The following STRIP1 variants were observed in gnomAD, a reference collection of about 807,000 sequenced individuals.
STRIP1 encodes striatin interacting protein 1, also known as striatin-interacting protein 1.
In STRIP1, 63 loss-of-function variants were observed where a neutral mutation model predicts 106.2. That is an observed-to-expected ratio of 0.59 (90% CI 0.48 to 0.73). The LOEUF (loss-of-function observed/expected upper bound fraction) is 0.73. Among genes scored for constraint, STRIP1 ranks in the 30% least tolerant of loss-of-function variants. The pLI is 0.00. For missense variants in STRIP1, 857 were observed against 1,074.8 expected, an observed-to-expected ratio of 0.80 and a Z score of 2.83; for synonymous variants, 390 against 413.0, an observed-to-expected ratio of 0.94 and a Z score of 0.67.
rs1375448699 is a variant in STRIP1 at position 110,034,731 on chromosome 1, C to CCACCCGGGG, written c.99_107dup (p.Gly34_Pro36dup). ...TCCGCCGCCGGCAGCCGCACAGCCA[C>CCACCCGGGG]CACCCGGGGCACCGCGGGCCGCCGC... On this transcript the variant is annotated inframe_insertion, in exon 1 of 21. Coordinates refer to ENST00000369795, the MANE Select transcript of STRIP1 (RefSeq NM_033088.4). 8 of 1,487,918 alleles carry CCACCCGGGG rather than the reference C, an allele frequency of 5.4e-6. No individual in the cohort carries two copies. The Admixed American group carries it at 7.8e-5, about 14-fold the overall frequency. 92.2% of individuals were successfully genotyped at this position (1,487,918 alleles called of 1,614,324 possible). A position where few individuals can be genotyped will look rare whatever the true frequency, so the allele number is the denominator to read the frequency against.
In STRIP1 at chr1:110,043,709, A is replaced by T; in HGVS notation, c.1139A>T (p.Glu380Val). 1 of 1,614,118 alleles carries T rather than the reference A, an allele frequency of 6.2e-7. No homozygotes were observed. Among genetic ancestry groups the T allele is most frequent in the South Asian group, 1.1e-5 (1 of 91,076 alleles). The change falls in exon 10 of 21, where the codon GAA becomes GTA. Residue 380 changes from glutamate to valine, a missense_variant. By Grantham distance (121) the Glu-to-Val change is moderately radical. This residue lies in a region of STRIP1 where 750 missense variants were observed against 989.8 expected (regional missense o/e 0.76). Transcript: ENST00000369795. ...RDPYKADDSR[E>V]EEEENDDDNS... ...CCCTACAAGGCTGATGACTCTCGAG[A>T]AGAGGAAGAGGAGAATGATGATGAC...
intron 20 of STRIP1, among the ~76,000 whole-genome samples, chr1:110,052,894 C>G (rs1409159753): frequency 6.6e-6 from 1 of 152,202 alleles, no homozygotes; most frequent in Non-Finnish European, 1.5e-5. Context: ...ACATGCAGAT[C>G]CTGTGCTGTT....
chr1:110,050,393 T>A lies in STRIP1; in HGVS notation c.1940T>A (p.Leu647Gln). 1 of 1,614,204 alleles carries A rather than the reference T, an allele frequency of 6.2e-7. No individual in the cohort carries two copies. The highest frequency in any genetic ancestry group is 8.5e-7 in the Non-Finnish European group (1 of 1,180,026). Residue 647 changes from leucine (L) to glutamine (Q), a missense_variant, in exon 18 of 21, where the codon CTG becomes CAG. By Grantham distance (113) the Leu-to-Gln change is moderately radical (BLOSUM62 -2). Coordinates refer to ENST00000369795, the MANE Select transcript of STRIP1 (RefSeq NM_033088.4). ...PHCVVHELPE[L>Q]TAESLEAGDS... is the part of the protein sequence containing the mutation. ...TGCGTGGTGCATGAGCTGCCAGAGC[T>A]GACGGCGGAGAGTTTGGTGAGTGGC...
intron 13 of STRIP1, among the ~76,000 whole-genome samples, chr1:110,047,047 CAA>C (rs957253846): frequency 6.7e-6 from 1 of 149,346 alleles, no homozygotes; most frequent in Non-Finnish European, 1.5e-5. Flanking sequence ...GAGACCATCT[CAA>C]AAAAAAAAGT....
At chr1:110,046,625 G>GAGTTTGGCCAGAGAATGT in intron 12 of STRIP1, 55 bp from the exon 13 acceptor site, 1 of 1,506,690 alleles carries the variant, frequency 6.6e-7, no homozygotes, top group Non-Finnish European at 9.2e-7. Flanking sequence ...AGAGTGCAGG[G>GAGTTTGGCCAGAGAATGT]AGTTTGGCCA....
At chr1:110,034,959 G>A in intron 1 of STRIP1, 142 bp downstream of exon 1, 1 of 842,062 alleles carries the variant, frequency 1.2e-6, no homozygotes, top group Non-Finnish European at 1.7e-6. Flanking sequence ...ACAGCGAAAG[G>A]AGCAGGAAGC....
upstream of STRIP1, among the ~76,000 whole-genome samples, chr1:110,033,319 C>A (rs1337845413): frequency 6.6e-6 from 1 of 151,786 alleles, no homozygotes; most frequent in Non-Finnish European, 1.5e-5. Context: ...TAGTCAGGCT[C>A]CTGTGAGTCC....
chr1:110,039,730 A>G, intron 5 of STRIP1: 1 of 1,077,148 alleles, frequency 9.3e-7, no homozygotes, highest in South Asian at 1.4e-5. Flanking sequence ...CCCTGATGCC[A>G]GAGTTTTTAC....
chr1:110,050,295 C>A, intron 17 of STRIP1, 48 bp from the exon 18 acceptor site: 1 of 1,595,192 alleles, frequency 6.3e-7, no homozygotes, highest in Non-Finnish European at 8.6e-7. Context: ...TCCACCAGGC[C>A]CTGGGCCTTT....
rs1415340135 is a variant in STRIP1, at chr1:110,043,227, A to T, written c.1025A>T (p.Asp342Val). The T allele has an allele frequency of 1.9e-6, 3 of 1,613,560 alleles. No homozygotes were observed. Among genetic ancestry groups the T allele is most frequent in the Non-Finnish European group, 2.5e-6 (3 of 1,180,016 alleles). The change falls in exon 9 of 21, where the codon GAC (aspartate) becomes GTC (valine). Residue 342 changes from aspartate to valine, a missense_variant. By Grantham distance (152) the Asp-to-Val change is radical (BLOSUM62 -3). Around this residue, in one of 2 missense-constraint regions of STRIP1, gnomAD observed 750 missense variants for 989.8 expected, o/e 0.76. Transcript: ENST00000369795. The stretch of plus-strand genomic sequence containing the variant: ...GCCTCTCCACCAGCATCTGCTTCAG[A>T]CTTGATTGAGCAGCAGCAGAAACGG... ...RAASPPASAS[D>V]LIEQQQKRGR...
chr1:110,034,553 C>T (rs926280253), upstream of STRIP1: 2 of 1,426,406 alleles, frequency 1.4e-6, no homozygotes, highest in Admixed American at 6.3e-5. Context: ...ATATGGCGGC[C>T]AGGGAAATTT....
intron 12 of STRIP1, 50 bp downstream of exon 12, chr1:110,045,128 A>G (rs1232925299): frequency 6.4e-7 from 1 of 1,550,808 alleles, no homozygotes; most frequent in South Asian, 1.1e-5. Context: ...AAGTGAGTAG[A>G]GTGAAACCAG....
chr1:110,045,116 CTAAG>C, intron 12 of STRIP1, 38 bp downstream of exon 12: 1 of 1,597,304 alleles, frequency 6.3e-7, no homozygotes, highest in Non-Finnish European at 8.6e-7. Context: ...TTGTTTGGTC[CTAAG>C]TGAGTAGAGT....
upstream of STRIP1, chr1:110,034,521 C>G: frequency 7.7e-7 from 1 of 1,304,810 alleles, no homozygotes; most frequent in Non-Finnish European, 1.0e-6. Context: ...AAGATGGCTT[C>G]TAACACTGGC....
At chr1:110,045,114 TCCTAAGTGA>T in intron 12 of STRIP1, 36 bp downstream of exon 12, 1 of 1,603,204 alleles carries the variant, frequency 6.2e-7, no homozygotes, top group South Asian at 1.1e-5. Flanking sequence ...GCTTGTTTGG[TCCTAAGTGA>T]GTAGAGTGAA....
intron 15 of STRIP1, among the ~76,000 whole-genome samples, chr1:110,048,601 A>G (rs1177576770): frequency 6.6e-6 from 1 of 152,236 alleles, no homozygotes; most frequent in Non-Finnish European, 1.5e-5. Flanking sequence ...AAAAGGTTCT[A>G]GAGTCAAATA....
At chr1:110,035,550 C>T (rs1357435922) in intron 1 of STRIP1, among the ~76,000 whole-genome samples, 1 of 152,180 alleles carries the variant, frequency 6.6e-6, no homozygotes, top group Admixed American at 6.5e-5. Flanking sequence ...ATGGCATAGT[C>T]TGGAACTGAC....
At chr1:110,050,310 A>G (rs1311073631) in intron 17 of STRIP1, 33 bp from the exon 18 acceptor site, 1 of 1,612,174 alleles carries the variant, frequency 6.2e-7, no homozygotes, top group Non-Finnish European at 8.5e-7. Context: ...GCCTTTGCTC[A>G]TGGTGGGCAT....
At chr1:110,050,788 G>A (rs2101785397) in intron 18 of STRIP1, among the ~76,000 whole-genome samples, 168 bp from the exon 19 acceptor site, 1 of 152,284 alleles carries the variant, frequency 6.6e-6, no homozygotes, top group East Asian at 1.9e-4. Flanking sequence ...TCTTCCCCTA[G>A]TCCCCTGCCA....
Sources: allele counts gnomAD v4.1 joint callset (sites outside exome capture counted in the v4.1 genomes callset), GRCh38; gene constraint gnomAD v4.1.1; regional missense constraint gnomAD v4.1.1; transcripts MANE v1.5; gene names NCBI Gene and HGNC (gene_info 2026-07-23, HGNC 2026-07-21).